The following DTWD2 variants were observed in gnomAD, a reference collection of about 807,000 sequenced individuals.
DTWD2 encodes the protein DTW motif tRNA-uridine aminocarboxypropyltransferase 2, also known as tRNA-uridine aminocarboxypropyltransferase 2.
DTWD2 carries 39 observed loss-of-function variants against 31.8 expected under a neutral mutation model. The observed-to-expected ratio is 1.22, with a 90% CI of 0.95 to 1.60. The LOEUF is 1.60. DTWD2 is among the 40% of genes most tolerant of loss of function. The pLI, the probability that DTWD2 is intolerant of heterozygous loss-of-function variation, is 0.00. For missense variants in DTWD2, 515 were observed against 381.5 expected (o/e 1.35, Z -2.92); for synonymous variants, 180 against 142.8 (o/e 1.26, Z -1.86).
intron 1 of DTWD2, among the ~76,000 whole-genome samples, chr5:118,977,383 G>A (rs551598347): frequency 2.0e-5 from 3 of 152,196 alleles, no homozygotes; most frequent in African/African-American, 7.2e-5. Context: ...AATAGGAAGA[G>A]AGGAAGTCAA....
intron 4 of DTWD2, among the ~76,000 whole-genome samples, chr5:118,853,080 G>A (rs746025614): frequency 6.6e-6 from 1 of 152,038 alleles, no homozygotes; most frequent in Non-Finnish European, 1.5e-5. Context: ...AGAGGAAGTG[G>A]GGCAAGTGCT....
At chr5:118,848,357 T>C in intron 4 of DTWD2, 139 bp from the exon 5 acceptor site, 2 of 699,772 alleles carry the variant, frequency 2.9e-6, no homozygotes, top group Non-Finnish European at 4.5e-6. Flanking sequence ...CTTTTATGTA[T>C]AACATCCTTT....
At chr5:118,976,774 C>T (rs1255994167) in intron 1 of DTWD2, among the ~76,000 whole-genome samples, 2 of 152,198 alleles carry the variant, frequency 1.3e-5, no homozygotes, top group African/African-American at 4.8e-5. Context: ...GGAGCTGGTA[C>T]CATTCCTTCT....
At position 118,840,706 on chromosome 5, in the gene DTWD2, GTACAGTAGGAAATCCTGCT is replaced by G. The variant is rs1262498634; in HGVS notation, c.*192_*210del. On this transcript the variant is annotated 3_prime_UTR_variant, in exon 6 of 6. Coordinates refer to ENST00000510708, the MANE Select transcript of DTWD2 (RefSeq NM_173666.4). ...ATTAGAGGCACATTTTTAAAAACAA[GTACAGTAGGAAATCCTGCT>G]TTTCAGTGAGCCAGTGAATTTCTGT... 4.6e-6 allele frequency: 2 copies of G among 431,474 alleles called. No homozygotes were observed. The highest frequency in any genetic ancestry group is 4.2e-5 in the African/African-American group (2 of 48,116). 26.7% of individuals were successfully genotyped at this position (431,474 alleles called of 1,614,324 possible).
intron 4 of DTWD2, among the ~76,000 whole-genome samples, chr5:118,861,788 G>A (rs1752265724): frequency 6.6e-6 from 1 of 152,104 alleles, no homozygotes; most frequent in South Asian, 2.1e-4. Flanking sequence ...AGTACTTAGT[G>A]GTAGGTCCCA....
At chr5:118,877,197 G>T (rs913519302) in intron 4 of DTWD2, among the ~76,000 whole-genome samples, 11 of 152,230 alleles carry the variant, frequency 7.2e-5, no homozygotes, top group Admixed American at 2.0e-4. Context: ...AAGTGGCCGG[G>T]TACAGTGGCT....
intron 4 of DTWD2, among the ~76,000 whole-genome samples, chr5:118,869,582 A>G (rs933738199): frequency 1.3e-5 from 2 of 152,340 alleles, no homozygotes; most frequent in East Asian, 1.9e-4. Flanking sequence ...ACAGCATACC[A>G]TAACATAATG....
chr5:118,865,956 T>C (rs1362555911), intron 4 of DTWD2, among the ~76,000 whole-genome samples: 1 of 151,984 alleles, frequency 6.6e-6, no homozygotes, highest in Non-Finnish European at 1.5e-5. Flanking sequence ...TAAAAGTGTA[T>C]GAAATATACC....
intron 4 of DTWD2, among the ~76,000 whole-genome samples, chr5:118,867,936 A>G (rs910784963): frequency 5.3e-5 from 8 of 152,234 alleles, no homozygotes; most frequent in Admixed American, 4.6e-4. Context: ...CCTAAAATTC[A>G]TATGAAATCT....
chr5:118,896,565 T>C (rs1439958614), intron 4 of DTWD2, among the ~76,000 whole-genome samples: 1 of 152,146 alleles, frequency 6.6e-6, no homozygotes, highest in Admixed American at 6.5e-5. Flanking sequence ...AAGCACAGAA[T>C]TATTCAAAGA....
chr5:118,946,866 G>A (rs1032355235), intron 1 of DTWD2, among the ~76,000 whole-genome samples: 8 of 152,210 alleles, frequency 5.3e-5, no homozygotes, highest in Middle Eastern at 3.4e-3. Flanking sequence ...TCACCCTCCT[G>A]AATAGCTGAG....
At chr5:118,860,234 T>C (rs1366116990) in intron 4 of DTWD2, among the ~76,000 whole-genome samples, 1 of 149,548 alleles carries the variant, frequency 6.7e-6, no homozygotes, top group Non-Finnish European at 1.5e-5. Flanking sequence ...TTTATTAATA[T>C]ATTATAATCT....
In DTWD2 at chr5:118,839,690, T is replaced by A. The variant is rs1303572362; in HGVS notation, c.*1227A>T. 1 of 152,136 alleles carries A rather than the reference T, an allele frequency of 6.6e-6. No individual in the cohort carries two copies. Among genetic ancestry groups the A allele is most frequent in the African/African-American group, 2.4e-5 (1 of 41,418 alleles). The allele number at this position is 152,136 out of a possible 1,614,324, so 9.4% of individuals were successfully genotyped here. On this transcript the variant is annotated 3_prime_UTR_variant, in exon 6 of 6. Coordinates refer to ENST00000510708, the MANE Select transcript of DTWD2 (RefSeq NM_173666.4). Reference sequence around the variant, plus strand: ...ATTTGTTTTTAAATCCAAAAATAAATCAACAATAGAAGCCAGCACTCTTTT... The same window carrying A: ...ATTTGTTTTTAAATCCAAAAATAAAACAACAATAGAAGCCAGCACTCTTTT...
chr5:118,943,968 T>G (rs1468554546), intron 2 of DTWD2, among the ~76,000 whole-genome samples: 1 of 152,232 alleles, frequency 6.6e-6, no homozygotes, highest in South Asian at 2.1e-4. Flanking sequence ...AGCTTTGTAT[T>G]AATTATAACT....
At chr5:118,926,497 T>G (rs1294606480) in intron 4 of DTWD2, among the ~76,000 whole-genome samples, 2 of 152,114 alleles carry the variant, frequency 1.3e-5, no homozygotes, top group African/African-American at 4.8e-5. Flanking sequence ...ACAGAATTCA[T>G]CCATGTAACC....
At chr5:118,897,606 T>C (rs1038148652) in intron 4 of DTWD2, among the ~76,000 whole-genome samples, 1 of 152,222 alleles carries the variant, frequency 6.6e-6, no homozygotes, top group South Asian at 2.1e-4. Flanking sequence ...CAACCTGCTA[T>C]GTTAATTATT....
At chr5:118,900,434 C>T (rs749199418) in intron 4 of DTWD2, among the ~76,000 whole-genome samples, 1 of 151,956 alleles carries the variant, frequency 6.6e-6, no homozygotes, top group Non-Finnish European at 1.5e-5. Flanking sequence ...GGCAAGTTAA[C>T]AGAGATGGTA....
At chr5:118,941,284 G>C (rs931311673) in intron 2 of DTWD2, among the ~76,000 whole-genome samples, 2 of 151,924 alleles carry the variant, frequency 1.3e-5, no homozygotes, top group Non-Finnish European at 2.9e-5. Flanking sequence ...CCATTAACTC[G>C]TCATTTACAT....
chr5:118,858,458 G>T lies in DTWD2; in HGVS notation c.598-10240C>A, dbSNP rs564165809. Among the ~76,000 whole-genome samples, 10 of 152,276 alleles carry T rather than the reference G, an allele frequency of 6.6e-5. No individual in the cohort carries two copies. In the East Asian group the frequency reaches 1.7e-3, roughly 26 times the overall value. ...GGAGAAAAGTGTGATTGTCTTTTCG[G>T]TGTCTGTTTTAGAATAGCATGTGAG... On this transcript the variant is annotated intron_variant, in intron 4 of 5. Transcript: ENST00000510708.
Sources: gnomAD v4.1 joint callset for allele counts (sites outside exome capture counted in the v4.1 genomes callset) on GRCh38, gnomAD v4.1.1 for gene constraint, MANE v1.5 for transcripts, NCBI Gene and HGNC (gene_info 2026-07-23, HGNC 2026-07-21) for gene names.